The following OR5V1 variants were observed in gnomAD, a reference collection of about 807,000 sequenced individuals.
The protein encoded by OR5V1 is olfactory receptor 5V1.
For missense variants in OR5V1, 365 were observed against 371.5 expected, an observed-to-expected ratio of 0.98 and a Z score of 0.14; for synonymous variants, 134 against 143.2, an observed-to-expected ratio of 0.94 and a Z score of 0.46.
At chr6:29,357,300 C>G (rs1778362003) in intron 1 of OR5V1, among the ~76,000 whole-genome samples, 1 of 152,060 alleles carries the variant, frequency 6.6e-6, no homozygotes, top group South Asian at 2.1e-4. Flanking sequence ...TTTATCATTC[C>G]CATTCTCTGG....
rs1778160951 is a variant in OR5V1 at position 29,354,479 on chromosome 6, G to A, written c.*751C>T. 6.6e-6 allele frequency: 1 copy of A among 151,576 alleles called. No individual in the cohort carries two copies. 9.4% of individuals were successfully genotyped at this position (151,576 alleles called of 1,614,324 possible). On this transcript the variant is annotated 3_prime_UTR_variant, in exon 2 of 2. Coordinates refer to ENST00000641768, the MANE Select transcript of OR5V1 (RefSeq NM_030876.6). ...CCATCAAAAAACCCTTGTTTTTTCT[G>A]TATGTTTTATCTGATTCTGTTTTCT...
chr6:29,358,927 T>C (rs2151273155), intron 1 of OR5V1, among the ~76,000 whole-genome samples: 1 of 152,212 alleles, frequency 6.6e-6, no homozygotes, highest in South Asian at 2.1e-4. Context: ...AAATTGCTAA[T>C]GGAGTGGATT....
In OR5V1 at chr6:29,353,776, G is replaced by T. The variant is rs1294433677; in HGVS notation, c.*1454C>A. 1 of 152,074 alleles carries T rather than the reference G, an allele frequency of 6.6e-6. No homozygotes were observed. Among genetic ancestry groups the T allele is most frequent in the Non-Finnish European group, 1.5e-5 (1 of 67,966 alleles). 9.4% of individuals were successfully genotyped at this position (152,074 alleles called of 1,614,324 possible). A position where few individuals can be genotyped will look rare whatever the true frequency, so the allele number is the denominator to read the frequency against. On this transcript the variant is annotated 3_prime_UTR_variant, in exon 2 of 2. Transcript: ENST00000641768. ...CAGGAAAGATCAAGCCATACCTGGAGAAGAATTATTTAGGGTTCCTGCAGG... is the reference window on the plus strand; with the variant it reads ...CAGGAAAGATCAAGCCATACCTGGATAAGAATTATTTAGGGTTCCTGCAGG...
chr6:29,355,351 G>T lies in OR5V1; in HGVS notation c.845C>A (p.Thr282Asn). The change falls in exon 2 of 2, where the codon ACC (threonine) becomes AAC (asparagine). Residue 282 changes from threonine to asparagine, a missense_variant. Coordinates refer to ENST00000641768, the MANE Select transcript of OR5V1 (RefSeq NM_030876.6). ...RLVSVLYSVV[T>N]PMLNPIIYTL... is the part of the protein sequence containing the mutation. Reference sequence around the variant, plus strand: ...GTAAATTATAGGGTTTAGCATGGGGGTAACAACACTGTACAACACTGAAAC... The same window carrying T: ...GTAAATTATAGGGTTTAGCATGGGGTTAACAACACTGTACAACACTGAAAC... 1 of 1,613,970 alleles carries T rather than the reference G, an allele frequency of 6.2e-7. No homozygotes were observed. The highest frequency in any genetic ancestry group is 8.5e-7 in the Non-Finnish European group (1 of 1,179,898).
chr6:29,357,364 G>T (rs1359431362), intron 1 of OR5V1, among the ~76,000 whole-genome samples: 1 of 151,998 alleles, frequency 6.6e-6, no homozygotes, highest in Non-Finnish European at 1.5e-5. Flanking sequence ...CACGCAGCTA[G>T]CAGGTAAAAA....
At chr6:29,361,677 C>T (rs1778573458) in intron 1 of OR5V1, among the ~76,000 whole-genome samples, 1 of 152,068 alleles carries the variant, frequency 6.6e-6, no homozygotes, top group Admixed American at 6.5e-5. Flanking sequence ...TGCATACAGC[C>T]AAACTAAGCT....
chr6:29,364,066 C>T (rs564108428), intron 1 of OR5V1, among the ~76,000 whole-genome samples: 2 of 152,188 alleles, frequency 1.3e-5, no homozygotes, highest in South Asian at 4.1e-4. Context: ...CAGCCCAAAA[C>T]TCCTTAGGCT....
chr6:29,362,575 AAAAC>A (rs1426230940), intron 1 of OR5V1, among the ~76,000 whole-genome samples: 2 of 152,222 alleles, frequency 1.3e-5, no homozygotes, highest in Non-Finnish European at 2.9e-5. Context: ...AATGGAAATC[AAAAC>A]AAACAGTCTC....
At chr6:29,365,166 T>G (rs1021666524) in intron 1 of OR5V1, among the ~76,000 whole-genome samples, 15 of 152,104 alleles carry the variant, frequency 9.9e-5, no homozygotes, top group African/African-American at 3.6e-4. Flanking sequence ...GATTAAAGAC[T>G]TAAACATAAA....
In OR5V1 at chr6:29,355,255, G is replaced by A; in HGVS notation, c.941C>T (p.Ser314Phe). The A allele has an allele frequency of 6.2e-7, 1 of 1,601,904 alleles. No homozygotes were observed. The highest frequency in any genetic ancestry group is 8.5e-7 in the Non-Finnish European group (1 of 1,176,108). ...TCAATAAGTGAGTTTACTATCCAAA[G>A]AGGAAATTGGTGGCTGCCACTTGCT... ...IGSKWQPPIS[S>F]LDSKLTY Residue 314 changes from serine to phenylalanine, a missense_variant, in exon 2 of 2, where the codon TCT (serine) becomes TTT (phenylalanine). Ser to Phe is a radical substitution (Grantham distance 155). Coordinates refer to ENST00000641768, the MANE Select transcript of OR5V1 (RefSeq NM_030876.6).
rs781371555 is a variant in OR5V1 at position 29,355,715 on chromosome 6, C to T, written c.481G>A (p.Val161Met). The change falls in exon 2 of 2, where the codon GTG (valine) becomes ATG (methionine). Residue 161 changes from valine (V) to methionine (M), a missense_variant. Physicochemically the swap from Val to Met is conservative, Grantham distance 21 (BLOSUM62 1). Coordinates refer to ENST00000641768, the MANE Select transcript of OR5V1 (RefSeq NM_030876.6). ...CAGAAGGGCAGGCAGAATGTCAACA[C>T]TGTATGCACCACTGAGTTAAGGAAA... ...AGFLNSVVHT[V>M]LTFCLPFCGN... 2 of 1,614,000 alleles carry T rather than the reference C, an allele frequency of 1.2e-6. No homozygotes were observed. The highest frequency in any genetic ancestry group is 1.1e-5 in the South Asian group (1 of 91,082).
At chr6:29,360,131 A>C (rs1337958482) in intron 1 of OR5V1, among the ~76,000 whole-genome samples, 3 of 152,178 alleles carry the variant, frequency 2.0e-5, no homozygotes, top group African/African-American at 7.2e-5. Context: ...TTCCCCTGAC[A>C]GTGCTAAGGA....
intron 1 of OR5V1, among the ~76,000 whole-genome samples, chr6:29,363,443 A>G (rs1778680443): frequency 6.6e-6 from 1 of 152,200 alleles, no homozygotes; most frequent in South Asian, 2.1e-4. Context: ...TCTCTAGCTC[A>G]TTTTATGAGG....
At chr6:29,360,594 T>C (rs1175451801) in intron 1 of OR5V1, among the ~76,000 whole-genome samples, 1 of 152,210 alleles carries the variant, frequency 6.6e-6, no homozygotes, top group African/African-American at 2.4e-5. Context: ...GCAGTAATAG[T>C]TGCCGTTCTG....
At chr6:29,359,533 T>A (rs559806088) in intron 1 of OR5V1, among the ~76,000 whole-genome samples, 5 of 152,218 alleles carry the variant, frequency 3.3e-5, no homozygotes, top group Admixed American at 3.3e-4. Flanking sequence ...GATGGCTGAA[T>A]AGGAACAGCT....
intron 1 of OR5V1, among the ~76,000 whole-genome samples, chr6:29,366,145 G>T (rs578013316): frequency 2.0e-5 from 3 of 152,196 alleles, no homozygotes; most frequent in Non-Finnish European, 4.4e-5. Context: ...ACACACTGGG[G>T]CCTGTTGGGG....
At chr6:29,366,573 T>C (rs923264733) in intron 1 of OR5V1, among the ~76,000 whole-genome samples, 1 of 152,114 alleles carries the variant, frequency 6.6e-6, no homozygotes, top group African/African-American at 2.4e-5. Flanking sequence ...AATTGAACTT[T>C]CTCAGAACTA....
chr6:29,357,261 T>G (rs1778360273), intron 1 of OR5V1, among the ~76,000 whole-genome samples: 1 of 152,138 alleles, frequency 6.6e-6, no homozygotes, highest in South Asian at 2.1e-4. Flanking sequence ...TCATTTAGTC[T>G]TTACATAAAT....
At chr6:29,361,549 A>T (rs1333692653) in intron 1 of OR5V1, among the ~76,000 whole-genome samples, 1 of 152,222 alleles carries the variant, frequency 6.6e-6, no homozygotes, top group Admixed American at 6.5e-5. Flanking sequence ...CAGGTTACCT[A>T]CAAAGGGAAG....
Sources: gnomAD v4.1 joint callset for allele counts (sites outside exome capture counted in the v4.1 genomes callset) on GRCh38, gnomAD v4.1.1 for gene constraint, MANE v1.5 for transcripts, NCBI Gene and HGNC (gene_info 2026-07-23, HGNC 2026-07-21) for gene names.